Variants in PTK2B observed in about 807,000 individuals in gnomAD.
PTK2B encodes the protein protein tyrosine kinase 2 beta.
PTK2B carries 71 observed loss-of-function variants against 142.9 expected under a neutral mutation model. The observed-to-expected ratio is 0.50, with a 90% CI of 0.41 to 0.61. The LOEUF is 0.61. Among genes scored for constraint, PTK2B ranks in the 20% least tolerant of loss-of-function variants. The pLI is 0.00. For synonymous variants in PTK2B, 519 were observed against 503.4 expected, an observed-to-expected ratio of 1.03 and a Z score of -0.42; for missense variants, 1,105 against 1,320.4, an observed-to-expected ratio of 0.84 and a Z score of 2.53.
At chr8:27,412,567 A>G (rs369142762) in intron 2 of PTK2B, among the ~76,000 whole-genome samples, 1 of 152,164 alleles carries the variant, frequency 6.6e-6, no homozygotes, top group African/African-American at 2.4e-5. Flanking sequence ...CCCCCAGGAA[A>G]GAATGCACCA....
chr8:27,458,651 C>A lies in PTK2B; in HGVS notation c.*142C>A. On this transcript the variant is annotated 3_prime_UTR_variant, in exon 31 of 31. Coordinates refer to ENST00000346049, the MANE Select transcript of PTK2B (RefSeq NM_173176.3). Reference sequence around the variant, plus strand: ...TTGCCACTTTGCACGACGCCCTCTCCCCACCCCTACCCCTGGCTGTACTGC... The same window carrying A: ...TTGCCACTTTGCACGACGCCCTCTCACCACCCCTACCCCTGGCTGTACTGC... 1.3e-6 allele frequency: 1 copy of A among 786,906 alleles called. No individual in the cohort carries two copies. The highest frequency in any genetic ancestry group is 2.0e-6 in the Non-Finnish European group (1 of 489,724). The allele number at this position is 786,906 out of a possible 1,614,324, so 48.7% of individuals were successfully genotyped here. A position where few individuals can be genotyped will look rare whatever the true frequency, so the allele number is the denominator to read the frequency against.
At chr8:27,326,545 G>A (rs952324110) in intron 1 of PTK2B, among the ~76,000 whole-genome samples, 1 of 152,228 alleles carries the variant, frequency 6.6e-6, no homozygotes, top group Non-Finnish European at 1.5e-5. Flanking sequence ...TGTGCCTAGA[G>A]GTGGCTTTAG....
intron 3 of PTK2B, among the ~76,000 whole-genome samples, chr8:27,317,767 G>T (rs73241444): frequency 0.1 from 15,929 of 152,050 alleles, 992 homozygotes; most frequent in African/African-American, 0.17. Context: ...TTCCCTGCTC[G>T]GCCCCTGTAG....
In PTK2B at chr8:27,431,009, A is replaced by G; in HGVS notation, c.803A>G (p.Glu268Gly). 1 of 1,613,458 alleles carries G rather than the reference A, an allele frequency of 6.2e-7. No homozygotes were observed. The highest frequency in any genetic ancestry group is 8.5e-7 in the Non-Finnish European group (1 of 1,179,618). ...ANIDQETYRC[E>G]LIQGWNITVD... ...ATCGACCAGGAGACCTACCGCTGTG[A>G]ACTCATTGTAATGGCGGGCTCTCTT... The change falls in exon 8 of 31, where the codon GAA becomes GGA. Residue 268 changes from glutamate (E) to glycine (G), a missense_variant. Physicochemically the swap from Glu to Gly is moderately conservative, Grantham distance 98. Coordinates refer to ENST00000346049, the MANE Select transcript of PTK2B (RefSeq NM_173176.3).
intron 1 of PTK2B, among the ~76,000 whole-genome samples, chr8:27,361,927 C>G (rs2130778883): frequency 6.6e-6 from 1 of 152,294 alleles, no homozygotes; most frequent in East Asian, 1.9e-4. Flanking sequence ...TCCTAGTCAT[C>G]ATTTCAGTCA....
chr8:27,428,816 A>G (rs1384498287), intron 5 of PTK2B, among the ~76,000 whole-genome samples: 1 of 152,246 alleles, frequency 6.6e-6, no homozygotes, highest in Non-Finnish European at 1.5e-5. Context: ...TTTGCTTGAC[A>G]GTATATTCAA....
intron 2 of PTK2B, among the ~76,000 whole-genome samples, chr8:27,403,853 CTTTT>C (rs1380814863): frequency 6.6e-6 from 1 of 151,634 alleles, no homozygotes; most frequent in Non-Finnish European, 1.5e-5. Context: ...TCTCTTCTTT[CTTTT>C]TTCTTCTTCT....
At chr8:27,394,950 G>A (rs537924021) in intron 1 of PTK2B, among the ~76,000 whole-genome samples, 1 of 152,142 alleles carries the variant, frequency 6.6e-6, no homozygotes, top group South Asian at 2.1e-4. Context: ...TCCACATCTC[G>A]TCCCACTGGA....
chr8:27,427,780 A>G (rs554997076), intron 5 of PTK2B, among the ~76,000 whole-genome samples: 1 of 152,062 alleles, frequency 6.6e-6, no homozygotes, highest in East Asian at 1.9e-4. Context: ...AGGTGGGAGG[A>G]GGAAGAGGAG....
chr8:27,310,651 A>T, upstream of PTK2B: 1 of 891,790 alleles, frequency 1.1e-6, no homozygotes, highest in Non-Finnish European at 1.7e-6. Context: ...CAGCCCTGAG[A>T]ACCTGGGTCG....
At chr8:27,437,231 G>C (rs1351854742) in intron 16 of PTK2B, 25 bp downstream of exon 16, 10 of 1,598,434 alleles carry the variant, frequency 6.3e-6, no homozygotes, top group Non-Finnish European at 8.6e-6. Context: ...GACCAACCAG[G>C]CCTCCAAGAT....
At chr8:27,451,597 A>C in intron 27 of PTK2B, 88 bp downstream of exon 27, 1 of 1,602,918 alleles carries the variant, frequency 6.2e-7, no homozygotes, top group South Asian at 1.1e-5. Flanking sequence ...GGCAGGGAGC[A>C]GCGGAGTCTG....
At chr8:27,386,740 G>A (rs1454093070) in intron 1 of PTK2B, among the ~76,000 whole-genome samples, 1 of 152,186 alleles carries the variant, frequency 6.6e-6, no homozygotes, top group Non-Finnish European at 1.5e-5. Context: ...GGTTTGCAAA[G>A]AGTGGCAGAC....
intron 1 of PTK2B, among the ~76,000 whole-genome samples, chr8:27,332,320 G>A (rs1483638014): frequency 6.6e-6 from 1 of 152,304 alleles, no homozygotes; most frequent in Non-Finnish European, 1.5e-5. Flanking sequence ...CCCTAATAGG[G>A]TAATGGAGAG....
chr8:27,415,541 C>T (rs1347043614), intron 2 of PTK2B, among the ~76,000 whole-genome samples: 1 of 152,208 alleles, frequency 6.6e-6, no homozygotes, highest in Admixed American at 6.5e-5. Flanking sequence ...ATAGCAAGCA[C>T]AAACTAAAAG....
intron 2 of PTK2B, among the ~76,000 whole-genome samples, chr8:27,398,011 T>A (rs772939518): frequency 4.4e-4 from 67 of 152,272 alleles, no homozygotes; most frequent in Non-Finnish European, 8.5e-4. Context: ...TTGTAGCCTT[T>A]GCTTGAACCC....
chr8:27,352,257 T>C (rs1343703960), intron 1 of PTK2B, among the ~76,000 whole-genome samples: 1 of 152,246 alleles, frequency 6.6e-6, no homozygotes, highest in Non-Finnish European at 1.5e-5. Context: ...TGCACGTATC[T>C]TGATAAGCTG....
intron 2 of PTK2B, among the ~76,000 whole-genome samples, chr8:27,418,388 A>G (rs1342721813): frequency 6.6e-6 from 1 of 152,224 alleles, no homozygotes; most frequent in East Asian, 1.9e-4. Context: ...AAAGAAATTT[A>G]TTTACTTCTG....
At chr8:27,366,279 A>G (rs78153098) in intron 1 of PTK2B, among the ~76,000 whole-genome samples, 1,685 of 152,186 alleles carry the variant, frequency 0.011, 69 homozygotes, top group South Asian at 0.1. Flanking sequence ...CCATCTCTTC[A>G]TCCCCCAGGG....
Sources: gnomAD v4.1 joint callset for allele counts (sites outside exome capture counted in the v4.1 genomes callset) on GRCh38, gnomAD v4.1.1 for gene constraint, MANE v1.5 for transcripts, NCBI Gene and HGNC (gene_info 2026-07-23, HGNC 2026-07-21) for gene names.